ZNF385D: variants seen among roughly 807,000 people sequenced by gnomAD.
The protein encoded by ZNF385D is zinc finger protein 385D, also known as zinc finger protein 659.
ZNF385D carries 15 observed loss-of-function variants against 35.8 expected under a neutral mutation model. That is an observed-to-expected ratio of 0.42 (90% confidence interval 0.28 to 0.64). The LOEUF is 0.64. ZNF385D is among the 30% of genes least tolerant of loss of function. The pLI is 0.23. For synonymous variants in ZNF385D, 212 were observed against 186.8 expected (o/e 1.13, Z -1.10); for missense variants, 474 against 494.6 (o/e 0.96, Z 0.39).
At chr3:21,644,823 G>A (rs2125865373) in intron 2 of ZNF385D, among the ~76,000 whole-genome samples, 1 of 152,216 alleles carries the variant, frequency 6.6e-6, no homozygotes, top group Admixed American at 6.5e-5. Context: ...GATGAAACAA[G>A]CCACATTATT....
At chr3:21,440,197 T>G (rs571265434) in intron 4 of ZNF385D, among the ~76,000 whole-genome samples, 2 of 152,244 alleles carry the variant, frequency 1.3e-5, no homozygotes, top group East Asian at 1.9e-4. Context: ...GAAGTTTACT[T>G]TAATATGGTA....
At chr3:22,063,577 C>A (rs978978716) in intron 3 of ZNF385D, among the ~76,000 whole-genome samples, 2 of 152,080 alleles carry the variant, frequency 1.3e-5, no homozygotes, top group African/African-American at 4.8e-5. Context: ...ACAAATAAAT[C>A]AAAAATAACC....
intron 2 of ZNF385D, among the ~76,000 whole-genome samples, chr3:22,247,208 G>A (rs1366028904): frequency 1.3e-5 from 2 of 151,772 alleles, no homozygotes; most frequent in Admixed American, 6.6e-5. Context: ...ATGTCCTTTA[G>A]AATGTTGATT....
At chr3:22,199,821 T>C (rs1696663012) in intron 2 of ZNF385D, among the ~76,000 whole-genome samples, 1 of 152,088 alleles carries the variant, frequency 6.6e-6, no homozygotes, top group Admixed American at 6.6e-5. Flanking sequence ...ATATGTGGTG[T>C]ATACGTAAAA....
At chr3:21,816,321 T>C (rs1419133680) in intron 3 of ZNF385D, among the ~76,000 whole-genome samples, 1 of 152,120 alleles carries the variant, frequency 6.6e-6, no homozygotes, top group South Asian at 2.1e-4. Flanking sequence ...TGTTGGAAGT[T>C]TGGGCCAGGG....
intron 2 of ZNF385D, among the ~76,000 whole-genome samples, chr3:21,650,425 A>G (rs1305688295): frequency 6.6e-6 from 1 of 152,168 alleles, no homozygotes; most frequent in East Asian, 1.9e-4. Flanking sequence ...CTGTAAAGAA[A>G]GACCATCTAA....
chr3:21,861,121 T>A (rs1395244409), intron 3 of ZNF385D, among the ~76,000 whole-genome samples: 1 of 152,110 alleles, frequency 6.6e-6, no homozygotes, highest in East Asian at 1.9e-4. Context: ...GCCAAGCCAA[T>A]GAGGTTGGCC....
In ZNF385D at chr3:21,646,659, G is replaced by C. The variant is rs1431844126; in HGVS notation, c.165+18227C>G. Among the ~76,000 whole-genome samples the C allele has an allele frequency of 6.6e-6, 1 of 152,134 alleles. No individual in the cohort carries two copies. Among genetic ancestry groups the C allele is most frequent in the African/African-American group, 2.4e-5 (1 of 41,414 alleles). On this transcript the variant is annotated intron_variant, in intron 2 of 7. Coordinates refer to ENST00000281523, the MANE Select transcript of ZNF385D (RefSeq NM_024697.3). The surrounding 1 kb of genome is among the most constrained non-coding windows in gnomAD (Gnocchi z 4.3). ...CTCTTCAGTCTCCATTTACTTCAGA[G>C]GCAATTAGAAAGAAAGAAACAGGCC...
At chr3:21,975,626 A>G (rs892519699) in intron 3 of ZNF385D, among the ~76,000 whole-genome samples, 26 of 151,366 alleles carry the variant, frequency 1.7e-4, no homozygotes, top group Non-Finnish European at 2.4e-4. Flanking sequence ...ATTTTTACAC[A>G]TTGTATACTT....
chr3:22,253,894 A>G (rs1175163874), intron 2 of ZNF385D, among the ~76,000 whole-genome samples: 3 of 152,002 alleles, frequency 2.0e-5, no homozygotes, highest in East Asian at 3.9e-4. Flanking sequence ...AAAGTATTCA[A>G]TCTGTGCTGT....
intron 3 of ZNF385D, among the ~76,000 whole-genome samples, chr3:22,032,490 T>C (rs545868994): frequency 8.5e-5 from 13 of 152,148 alleles, no homozygotes; most frequent in Non-Finnish European, 1.9e-4. Flanking sequence ...ACCCACCAGG[T>C]TCTTCCCTTG....
At chr3:21,564,535 ATTTTTTTTT>A in intron 3 of ZNF385D, 30 bp downstream of exon 3, 2 of 1,130,028 alleles carry the variant, frequency 1.8e-6, no homozygotes, top group South Asian at 3.5e-5. Context: ...AGCAAAATGT[ATTTTTTTTT>A]TTTAAGTGAA....
At chr3:21,672,832 C>A (rs1339663726) in intron 1 of ZNF385D, among the ~76,000 whole-genome samples, 1 of 152,078 alleles carries the variant, frequency 6.6e-6, no homozygotes, top group Non-Finnish European at 1.5e-5. Context: ...GAATCAAGGT[C>A]TCCACTAGAA....
intron 3 of ZNF385D, among the ~76,000 whole-genome samples, chr3:21,813,901 C>T (rs1575699799): frequency 1.3e-5 from 2 of 152,182 alleles, no homozygotes; most frequent in East Asian, 3.9e-4. Context: ...ACATAATTGT[C>T]AGATTCACCA....
intron 3 of ZNF385D, among the ~76,000 whole-genome samples, chr3:21,894,119 A>T (rs567422946): frequency 1.3e-5 from 2 of 152,304 alleles, no homozygotes; most frequent in South Asian, 4.1e-4. Flanking sequence ...GCATAGTCAT[A>T]TATATCAAAA....
At chr3:22,105,257 T>G (rs558507471) in intron 3 of ZNF385D, among the ~76,000 whole-genome samples, 1 of 151,932 alleles carries the variant, frequency 6.6e-6, no homozygotes, top group Non-Finnish European at 1.5e-5. Context: ...AAGTGCCAAA[T>G]AGTGTACATT....
At chr3:21,902,878 A>G (rs1699481019) in intron 3 of ZNF385D, among the ~76,000 whole-genome samples, 1 of 152,162 alleles carries the variant, frequency 6.6e-6, no homozygotes, top group South Asian at 2.1e-4. Flanking sequence ...ACACCCCTTT[A>G]GTAGGAGTAA....
At chr3:22,214,681 C>T (rs939981164) in intron 2 of ZNF385D, among the ~76,000 whole-genome samples, 1 of 151,974 alleles carries the variant, frequency 6.6e-6, no homozygotes, top group African/African-American at 2.4e-5. Context: ...CCATAGCGCT[C>T]CCAGGCTTAT....
chr3:21,453,182 A>G (rs1468316993), intron 4 of ZNF385D, among the ~76,000 whole-genome samples: 2 of 137,070 alleles, frequency 1.5e-5, no homozygotes, highest in Admixed American at 7.5e-5. Context: ...AAAAAAAAAA[A>G]TGAAGTTGGA....
Sources: allele counts gnomAD v4.1 joint callset (sites outside exome capture counted in the v4.1 genomes callset), GRCh38; gene constraint gnomAD v4.1.1; non-coding constraint Gnocchi (gnomAD v3.1); transcripts MANE v1.5; gene names NCBI Gene and HGNC (gene_info 2026-07-23, HGNC 2026-07-21).